OPCML: variants seen among roughly 807,000 people sequenced by gnomAD.
OPCML encodes opioid-binding protein/cell adhesion molecule.
A neutral mutation model predicts 37.8 loss-of-function variants in OPCML; 13 were observed. The ratio of observed to expected loss-of-function variants is 0.34; its 90% confidence interval spans 0.22 to 0.55. The LOEUF is 0.55. OPCML is among the 20% of genes least tolerant of loss of function. OPCML has a pLI of 0.91. For synonymous variants in OPCML, 176 were observed against 168.8 expected (o/e 1.04, Z -0.33); for missense variants, 341 against 435.6 (o/e 0.78, Z 1.93).
In OPCML at chr11:133,456,096, G is replaced by T. The variant is rs7479262; in HGVS notation, c.61+76168C>A. ...CTCAGGCTGGTGGAAAACATGGAAG[G>T]CAGTGGCAGGTACTGTGGTGTGTAA... On this transcript the variant is annotated intron_variant, in intron 1 of 7. Coordinates refer to ENST00000524381, the MANE Select transcript of OPCML (RefSeq NM_001012393.5). Among the ~76,000 whole-genome samples the T allele has an allele frequency of 2.4e-3, 360 of 152,320 alleles. 1 individual carries two copies. The highest frequency in any genetic ancestry group is 8.2e-3 in the African/African-American group (341 of 41,584).
At chr11:133,488,779 A>G (rs1947588559) in intron 1 of OPCML, among the ~76,000 whole-genome samples, 1 of 152,132 alleles carries the variant, frequency 6.6e-6, no homozygotes, top group Non-Finnish European at 1.5e-5. Context: ...AATCCCAAGC[A>G]AAAGAACAAA....
chr11:133,056,712 T>C (rs1948245555), intron 1 of OPCML, among the ~76,000 whole-genome samples: 1 of 152,232 alleles, frequency 6.6e-6, no homozygotes, highest in South Asian at 2.1e-4. Flanking sequence ...AGTACTCAGA[T>C]GGTTTTCTAT....
intron 1 of OPCML, among the ~76,000 whole-genome samples, chr11:133,155,373 A>G (rs567757216): frequency 3.3e-5 from 5 of 152,210 alleles, no homozygotes; most frequent in Middle Eastern, 3.4e-3. Flanking sequence ...TCTAGTTTGT[A>G]AATTTCAAAA....
intron 1 of OPCML, among the ~76,000 whole-genome samples, chr11:133,151,263 AC>A (rs1949980500): frequency 6.6e-6 from 1 of 151,650 alleles, no homozygotes; most frequent in African/African-American, 2.4e-5. Context: ...ACAGAGCGAG[AC>A]TCTGTCTCAA....
intron 1 of OPCML, among the ~76,000 whole-genome samples, chr11:132,964,455 A>G (rs1813444500): frequency 6.6e-6 from 1 of 152,214 alleles, no homozygotes; most frequent in Non-Finnish European, 1.5e-5. Context: ...GACATATGCC[A>G]TAACCTGTGT....
At chr11:133,475,743 G>A (rs755388552) in intron 1 of OPCML, among the ~76,000 whole-genome samples, 4 of 152,142 alleles carry the variant, frequency 2.6e-5, no homozygotes, top group East Asian at 1.9e-4. Flanking sequence ...TAAACCCAGC[G>A]TATTACAGAA....
chr11:132,872,591 G>A (rs1235973844), intron 2 of OPCML, among the ~76,000 whole-genome samples: 1 of 152,104 alleles, frequency 6.6e-6, no homozygotes, highest in Non-Finnish European at 1.5e-5. Context: ...CTCACTCCCA[G>A]TTTATAGAAA....
intron 1 of OPCML, among the ~76,000 whole-genome samples, chr11:133,502,548 GGCAGAGC>G (rs1947939630): frequency 6.6e-6 from 1 of 152,240 alleles, no homozygotes; most frequent in South Asian, 2.1e-4. Context: ...TGAATCCACA[GGCAGAGC>G]CTCTAAACAT....
At chr11:132,916,315 T>C (rs1944602079) in intron 2 of OPCML, among the ~76,000 whole-genome samples, 1 of 152,112 alleles carries the variant, frequency 6.6e-6, no homozygotes, top group South Asian at 2.1e-4. Flanking sequence ...TCCCCACCCA[T>C]GAGGGCCCCT....
At chr11:133,160,018 G>A (rs1265105296) in intron 1 of OPCML, among the ~76,000 whole-genome samples, 4 of 152,212 alleles carry the variant, frequency 2.6e-5, no homozygotes, top group Non-Finnish European at 2.9e-5. Context: ...CTCCTGGAAC[G>A]CAGACACTGG....
At chr11:133,304,023 G>A (rs1322995860) in intron 1 of OPCML, among the ~76,000 whole-genome samples, 1 of 152,202 alleles carries the variant, frequency 6.6e-6, no homozygotes, top group African/African-American at 2.4e-5. Context: ...TCAAGTTTAT[G>A]TGTCATATTT....
intron 1 of OPCML, among the ~76,000 whole-genome samples, chr11:133,317,825 T>C (rs1283828208): frequency 6.6e-6 from 1 of 152,252 alleles, no homozygotes; most frequent in Non-Finnish European, 1.5e-5. Context: ...TACCTAAGTG[T>C]ACCACCAGTG....
At chr11:132,430,921 G>A (rs752041677) in intron 7 of OPCML, among the ~76,000 whole-genome samples, 6 of 152,076 alleles carry the variant, frequency 3.9e-5, no homozygotes, top group Non-Finnish European at 8.8e-5. Context: ...GGGGGGATGG[G>A]GCTTCTTGCT....
intron 4 of OPCML, among the ~76,000 whole-genome samples, chr11:132,471,414 A>T (rs1469714579): frequency 6.6e-6 from 1 of 152,160 alleles, no homozygotes; most frequent in Non-Finnish European, 1.5e-5. Context: ...GTTGTCTCTC[A>T]TGGTGTCTGT....
At chr11:133,519,928 G>A (rs1048640469) in intron 1 of OPCML, among the ~76,000 whole-genome samples, 5 of 152,158 alleles carry the variant, frequency 3.3e-5, no homozygotes, top group Non-Finnish European at 5.9e-5. Context: ...CCTGGGGCTG[G>A]GTGCTGAGCA....
At chr11:133,394,840 T>C (rs534472549) in intron 1 of OPCML, among the ~76,000 whole-genome samples, 2 of 152,292 alleles carry the variant, frequency 1.3e-5, no homozygotes, top group East Asian at 3.9e-4. Flanking sequence ...AACATGAGAG[T>C]GCAGACATCT....
chr11:132,807,512 C>T (rs1048205064), intron 2 of OPCML, among the ~76,000 whole-genome samples: 2 of 152,150 alleles, frequency 1.3e-5, no homozygotes, highest in Non-Finnish European at 2.9e-5. Flanking sequence ...TATAAATCCA[C>T]GGGTAAATTC....
At chr11:132,583,512 G>C (rs979024258) in intron 3 of OPCML, among the ~76,000 whole-genome samples, 2 of 152,072 alleles carry the variant, frequency 1.3e-5, no homozygotes, top group African/African-American at 4.8e-5. Context: ...TGTTGCTTAT[G>C]CTGGTATTAA....
intron 1 of OPCML, among the ~76,000 whole-genome samples, chr11:133,336,725 T>G (rs1381688516): frequency 6.6e-6 from 1 of 152,206 alleles, no homozygotes; most frequent in African/African-American, 2.4e-5. Flanking sequence ...GGTTCTACTT[T>G]TAGTGAATGT....
Sources: gnomAD v4.1 joint callset for allele counts (sites outside exome capture counted in the v4.1 genomes callset) on GRCh38, gnomAD v4.1.1 for gene constraint, MANE v1.5 for transcripts, NCBI Gene and HGNC (gene_info 2026-07-23, HGNC 2026-07-21) for gene names.